The following PPM1E variants were observed in gnomAD, a reference collection of about 807,000 sequenced individuals.
PPM1E encodes the protein protein phosphatase, Mg2+/Mn2+ dependent 1E.
A neutral mutation model predicts 65.9 loss-of-function variants in PPM1E; 20 were observed. The ratio of observed to expected loss-of-function variants is 0.30; its 90% CI spans 0.21 to 0.44. PPM1E has a LOEUF of 0.44. Ranked by LOEUF, PPM1E falls within the 20% of genes least tolerant of loss-of-function variation. PPM1E has a pLI of 1.00. For synonymous variants in PPM1E, 352 were observed against 374.9 expected, an observed-to-expected ratio of 0.94 and a Z score of 0.70; for missense variants, 713 against 953.1, an observed-to-expected ratio of 0.75 and a Z score of 3.32.
chr17:58,818,159 C>T (rs2050445611), intron 1 of PPM1E, among the ~76,000 whole-genome samples: 1 of 152,082 alleles, frequency 6.6e-6, no homozygotes, highest in South Asian at 2.1e-4. Context: ...AGCAGTTAAG[C>T]ATTATGGAGT....
At chr17:58,900,450 T>A (rs1298732797) in intron 1 of PPM1E, among the ~76,000 whole-genome samples, 2 of 152,234 alleles carry the variant, frequency 1.3e-5, no homozygotes, top group Non-Finnish European at 2.9e-5. Flanking sequence ...AAGGCTCAGA[T>A]GATTGTGAGC....
At chr17:58,882,662 A>T (rs988582023) in intron 1 of PPM1E, among the ~76,000 whole-genome samples, 1 of 152,038 alleles carries the variant, frequency 6.6e-6, no homozygotes, top group South Asian at 2.1e-4. Flanking sequence ...AAGTGCTGGG[A>T]TTACAGGTGT....
intron 1 of PPM1E, among the ~76,000 whole-genome samples, chr17:58,879,390 G>A (rs1012268909): frequency 2.0e-5 from 3 of 150,618 alleles, no homozygotes; most frequent in East Asian, 1.9e-4. Context: ...CAGCTTCTAC[G>A]GGTGTGTACC....
At chr17:58,877,545 A>G (rs1408416886) in intron 1 of PPM1E, among the ~76,000 whole-genome samples, 2 of 152,120 alleles carry the variant, frequency 1.3e-5, no homozygotes, top group African/African-American at 4.8e-5. Flanking sequence ...AGAATTTTTG[A>G]TATATTTTTT....
At chr17:58,976,264 A>G (rs2030988970) in intron 6 of PPM1E, among the ~76,000 whole-genome samples, 1 of 152,148 alleles carries the variant, frequency 6.6e-6, no homozygotes, top group Non-Finnish European at 1.5e-5. Context: ...GGTAGCTGAT[A>G]TGGGAGAATC....
At chr17:58,761,106 A>G (rs556020363) in intron 1 of PPM1E, among the ~76,000 whole-genome samples, 2 of 152,286 alleles carry the variant, frequency 1.3e-5, no homozygotes, top group Admixed American at 6.5e-5. Flanking sequence ...GGGTCTCACT[A>G]TATTCCCTAC....
chr17:58,756,494 C>G (rs2049766038), intron 1 of PPM1E, 33 bp downstream of exon 1: 2 of 1,265,940 alleles, frequency 1.6e-6, no homozygotes, highest in Admixed American at 8.5e-5. Context: ...GTGGTGGGCC[C>G]GCGGTCCCCA....
At chr17:58,857,513 G>T (rs577602858) in intron 1 of PPM1E, among the ~76,000 whole-genome samples, 1 of 152,002 alleles carries the variant, frequency 6.6e-6, no homozygotes, top group Admixed American at 6.5e-5. Flanking sequence ...AAGGTTAATA[G>T]GGTTACTGAG....
At chr17:58,926,916 A>G (rs1752327957) in intron 1 of PPM1E, among the ~76,000 whole-genome samples, 1 of 152,124 alleles carries the variant, frequency 6.6e-6, no homozygotes, top group Non-Finnish European at 1.5e-5. Flanking sequence ...TGTGCACCTA[A>G]AAACAAGTTC....
intron 2 of PPM1E, among the ~76,000 whole-genome samples, chr17:58,963,165 A>C (rs2030093218): frequency 6.6e-6 from 1 of 151,856 alleles, no homozygotes; most frequent in South Asian, 2.1e-4. Flanking sequence ...TGGGTGGATC[A>C]CCTGAGGTCA....
chr17:58,875,180 T>C (rs2051115205), intron 1 of PPM1E, among the ~76,000 whole-genome samples: 2 of 152,242 alleles, frequency 1.3e-5, no homozygotes, highest in South Asian at 2.1e-4. Context: ...ATTCACCAAG[T>C]AATTCAACCA....
rs775903030 is a variant in PPM1E, at chr17:58,982,151, T to C, written c.*1120T>C. Reference sequence around the variant, plus strand: ...ATTACTGACAGCCAGGTCTGTTTAGTTGTAATTGGAAGACACATGAGTGTC... The same window carrying C: ...ATTACTGACAGCCAGGTCTGTTTAGCTGTAATTGGAAGACACATGAGTGTC... On this transcript the variant is annotated 3_prime_UTR_variant, in exon 7 of 7. Transcript: ENST00000308249. 1 of 152,680 alleles carries C rather than the reference T, an allele frequency of 6.5e-6. No homozygotes were observed. The allele number at this position is 152,680 out of a possible 1,614,324, so 9.5% of individuals were successfully genotyped here. A position where few individuals can be genotyped will look rare whatever the true frequency, so the allele number is the denominator to read the frequency against.
chr17:58,907,812 C>T (rs1372493160), intron 1 of PPM1E, among the ~76,000 whole-genome samples: 1 of 152,080 alleles, frequency 6.6e-6, no homozygotes, highest in Non-Finnish European at 1.5e-5. Context: ...TCTACTTCTG[C>T]TTTCTTTTGA....
intron 1 of PPM1E, among the ~76,000 whole-genome samples, chr17:58,921,423 T>A (rs1045009931): frequency 2.6e-5 from 4 of 151,960 alleles, no homozygotes; most frequent in African/African-American, 9.7e-5. Flanking sequence ...GTGGCTCATG[T>A]CTGTAGTCCT....
intron 1 of PPM1E, among the ~76,000 whole-genome samples, chr17:58,952,296 T>C (rs2052250480): frequency 6.6e-6 from 1 of 152,188 alleles, no homozygotes; most frequent in Non-Finnish European, 1.5e-5. Context: ...ACTGTTACTC[T>C]GGCTGGGGGC....
chr17:58,790,237 T>C (rs1323379038), intron 1 of PPM1E, among the ~76,000 whole-genome samples: 2 of 152,092 alleles, frequency 1.3e-5, no homozygotes, highest in African/African-American at 2.4e-5. Context: ...TAAAATTTTT[T>C]TTTTTTTGGA....
Position 58,954,958 on chromosome 17 carries a change from G to A in PPM1E, c.465-691G>A, listed in dbSNP as rs1260465938. 4.0e-5 allele frequency among the ~76,000 whole-genome samples: 6 copies of A among 150,330 alleles called. No homozygotes were observed. The East Asian group carries it at 7.8e-4, about 20-fold the overall frequency. The stretch of plus-strand genomic sequence containing the variant: ...GTATTCTCTCCTAACTTCCCACTAC[G>A]ACATAACTGAGTCTTTTTCATCCTT... On this transcript the variant is annotated intron_variant, in intron 1 of 6. Coordinates refer to ENST00000308249, the MANE Select transcript of PPM1E (RefSeq NM_014906.5).
At chr17:58,876,822 C>G (rs2051131801) in intron 1 of PPM1E, among the ~76,000 whole-genome samples, 1 of 152,030 alleles carries the variant, frequency 6.6e-6, no homozygotes, top group African/African-American at 2.4e-5. Context: ...CTGGCCCTGT[C>G]CGCCAGGCTG....
At chr17:58,975,179 G>A (rs2030918884) in intron 6 of PPM1E, among the ~76,000 whole-genome samples, 1 of 152,152 alleles carries the variant, frequency 6.6e-6, no homozygotes, top group African/African-American at 2.4e-5. Flanking sequence ...GTGCTTGAGT[G>A]GCCAGTGAAT....
Sources: gnomAD v4.1 joint callset for allele counts (sites outside exome capture counted in the v4.1 genomes callset) on GRCh38, gnomAD v4.1.1 for gene constraint, MANE v1.5 for transcripts, NCBI Gene and HGNC (gene_info 2026-07-23, HGNC 2026-07-21) for gene names.